Variants in RTN1 observed in about 807,000 individuals in gnomAD.
RTN1 encodes reticulon-1.
RTN1 carries 25 observed loss-of-function variants against 65.5 expected under a neutral mutation model. The ratio of observed to expected loss-of-function variants is 0.38; its 90% confidence interval spans 0.28 to 0.53. The LOEUF (loss-of-function observed/expected upper bound fraction) is 0.53, where lower values mean the gene tolerates loss of function less well. RTN1 is among the 20% of genes least tolerant of loss of function. RTN1 has a pLI of 0.79. For synonymous variants in RTN1, 471 were observed against 447.6 expected, an observed-to-expected ratio of 1.05 and a Z score of -0.66; for missense variants, 983 against 1,025.4, an observed-to-expected ratio of 0.96 and a Z score of 0.57.
Position 59,727,029 on chromosome 14 carries a change from C to T in RTN1, c.1655G>A (p.Arg552Gln), listed in dbSNP as rs1316938867. 1.9e-6 allele frequency: 3 copies of T among 1,613,508 alleles called. No homozygotes were observed. The highest frequency in any genetic ancestry group is 1.7e-6 in the Non-Finnish European group (2 of 1,179,766). Residue 552 changes from arginine (R) to glutamine (Q), a missense_variant, in exon 3 of 9, where the codon CGG becomes CAG. This residue lies in a region of RTN1 where 818 missense variants were observed against 801.8 expected (regional missense o/e 1.02). Coordinates refer to ENST00000267484, the MANE Select transcript of RTN1 (RefSeq NM_021136.3). The surrounding 1 kb of genome is among the most constrained non-coding windows in gnomAD (Gnocchi z 4.2). ...ALEPETPMLP[R>Q]KPEEDSSSNQ... is the part of the protein sequence containing the mutation. ...GGAACTCGAGTCTTCTTCAGGCTTC[C>T]GTGGCAACATGGGCGTCTCAGGCTC...
chr14:59,623,464 G>A (rs1188753036), intron 3 of RTN1, among the ~76,000 whole-genome samples: 2 of 152,192 alleles, frequency 1.3e-5, no homozygotes, highest in Non-Finnish European at 2.9e-5. Context: ...TCACTTGGAG[G>A]GATCTTCACA....
Position 59,825,154 on chromosome 14 carries a change from T to C in RTN1, c.241+45236A>G, listed in dbSNP as rs987188501. The stretch of plus-strand genomic sequence containing the variant: ...GCTGTCCTGTGCATTGTAGAATCTT[T>C]ACCAACATCCCTAGCCTCTACCGAC... On this transcript the variant is annotated intron_variant, in intron 1 of 8. Transcript: ENST00000267484. The surrounding 1 kb of genome is among the most constrained non-coding windows in gnomAD (Gnocchi z 4.2). Among the ~76,000 whole-genome samples, 1 of 152,236 alleles carries C rather than the reference T, an allele frequency of 6.6e-6. No individual in the cohort carries two copies. Among genetic ancestry groups the C allele is most frequent in the Non-Finnish European group, 1.5e-5 (1 of 68,040 alleles).
chr14:59,723,943 G>C (rs1041653856), intron 3 of RTN1, among the ~76,000 whole-genome samples: 1 of 152,206 alleles, frequency 6.6e-6, no homozygotes, highest in Non-Finnish European at 1.5e-5. Context: ...CAATCACATA[G>C]GTTTGGTAAA....
chr14:59,749,326 A>C lies in RTN1; in HGVS notation c.242-2845T>G, dbSNP rs1253836989. The stretch of plus-strand genomic sequence containing the variant: ...TATATATCTATATATATATCTATAT[A>C]TCTATATATATCTATATATATCTAT... On this transcript the variant is annotated intron_variant, in intron 1 of 8. Transcript: ENST00000267484. Among the ~76,000 whole-genome samples, 26 of 42,804 alleles carry C rather than the reference A, an allele frequency of 6.1e-4. 11 individuals carry two copies. The highest frequency in any genetic ancestry group is 5.1e-3 in the African/African-American group (25 of 4,886). 28.1% of individuals were successfully genotyped at this position (42,804 alleles called of 152,430 possible).
Position 59,829,529 on chromosome 14 carries a change from C to T in RTN1, c.241+40861G>A, listed in dbSNP as rs927998722. ...TTTTTCTCTATTATTTTTGCAACTT[C>T]CTGTAAATCTATACTTACTGCACAT... On this transcript the variant is annotated intron_variant, in intron 1 of 8. Coordinates refer to ENST00000267484, the MANE Select transcript of RTN1 (RefSeq NM_021136.3). This position sits in a 1 kb window ranked among gnomAD's most constrained non-coding sequence, Gnocchi z 4.3. 7.2e-5 allele frequency among the ~76,000 whole-genome samples: 11 copies of T among 152,194 alleles called. No individual in the cohort carries two copies. The highest frequency in any genetic ancestry group is 1.5e-5 in the Non-Finnish European group (1 of 68,036).
rs1282353013 is a variant in RTN1 at position 59,766,992 on chromosome 14, GATAA to G, written c.242-20515_242-20512del. 2.0e-5 allele frequency among the ~76,000 whole-genome samples: 3 copies of G among 152,180 alleles called. No individual in the cohort carries two copies. The highest frequency in any genetic ancestry group is 4.4e-5 in the Non-Finnish European group (3 of 68,028). ...TGGGGATTTAACAATGAATGAAACA[GATAA>G]ATAGTCTCTGGTCCCATGGAGGACA... On this transcript the variant is annotated intron_variant, in intron 1 of 8. Coordinates refer to ENST00000267484, the MANE Select transcript of RTN1 (RefSeq NM_021136.3). This position sits in a 1 kb window ranked among gnomAD's most constrained non-coding sequence, Gnocchi z 4.4.
At position 59,733,383 on chromosome 14, in the gene RTN1, G is replaced by A. The variant is rs145678735; in HGVS notation, c.1016-5715C>T. On this transcript the variant is annotated intron_variant, in intron 2 of 8. Transcript: ENST00000267484. ...GCTGGGATTACAGGCATGAGCCACC[G>A]TGCCCGGCCAGACTGCTTCTTTAAG... Among the ~76,000 whole-genome samples, 53 of 152,286 alleles carry A rather than the reference G, an allele frequency of 3.5e-4. No individual in the cohort carries two copies. In the East Asian group the frequency reaches 6.2e-3, roughly 18 times the overall value.
intron 3 of RTN1, among the ~76,000 whole-genome samples, chr14:59,669,799 T>A (rs1418246483): frequency 6.6e-6 from 1 of 152,072 alleles, no homozygotes. Context: ...ACACTGCCGA[T>A]GAGTGGATTT....
chr14:59,870,712 C>G lies in RTN1; in HGVS notation c.-82G>C, dbSNP rs967904573. On this transcript the variant is annotated 5_prime_UTR_variant, in exon 1 of 9. Transcript: ENST00000267484. The surrounding 1 kb of genome is among the most constrained non-coding windows in gnomAD (Gnocchi z 5.1). Reference sequence around the variant, plus strand: ...TGCGCGGGCGCTCCCTGCTGCTGTCCCCGGAGGGACTCGGCGCTCAGGGAA... The same window carrying G: ...TGCGCGGGCGCTCCCTGCTGCTGTCGCCGGAGGGACTCGGCGCTCAGGGAA... 1 of 1,263,958 alleles carries G rather than the reference C, an allele frequency of 7.9e-7. No homozygotes were observed. The highest frequency in any genetic ancestry group is 2.6e-5 in the South Asian group (1 of 37,754). 78.3% of individuals were successfully genotyped at this position (1,263,958 alleles called of 1,614,324 possible). A position where few individuals can be genotyped will look rare whatever the true frequency, so the allele number is the denominator to read the frequency against.
intron 3 of RTN1, among the ~76,000 whole-genome samples, chr14:59,723,191 G>A (rs966576280): frequency 6.6e-6 from 1 of 152,116 alleles, no homozygotes; most frequent in Admixed American, 6.5e-5. Context: ...GGACTGATCA[G>A]CAGTATGATA....
chr14:59,708,449 T>G (rs1884345987), intron 3 of RTN1, among the ~76,000 whole-genome samples: 2 of 152,208 alleles, frequency 1.3e-5, no homozygotes, highest in Admixed American at 6.5e-5. Context: ...ATTGCTTCAG[T>G]GTTAGACAGC....
Position 59,816,726 on chromosome 14 carries a change from G to A in RTN1, c.241+53664C>T, listed in dbSNP as rs1566736337. Among the ~76,000 whole-genome samples the A allele has an allele frequency of 6.6e-6, 1 of 152,088 alleles. No individual in the cohort carries two copies. On this transcript the variant is annotated intron_variant, in intron 1 of 8. Coordinates refer to ENST00000267484, the MANE Select transcript of RTN1 (RefSeq NM_021136.3). The surrounding 1 kb of genome is among the most constrained non-coding windows in gnomAD (Gnocchi z 4.3). ...AGGCTGGCGAATCACTTGAGTCCAC[G>A]AGTTCAAGGTCAGCCTGGGCAACAT... is the stretch of plus-strand genomic sequence containing the variant.
chr14:59,800,765 A>G (rs1886530581), intron 1 of RTN1, among the ~76,000 whole-genome samples: 1 of 152,218 alleles, frequency 6.6e-6, no homozygotes, highest in Non-Finnish European at 1.5e-5. Context: ...AATCAGTAGA[A>G]TCAAACTCAG....
At chr14:59,749,488 T>C (rs1237197270) in intron 1 of RTN1, among the ~76,000 whole-genome samples, 1 of 73,744 alleles carries the variant, frequency 1.4e-5, no homozygotes, top group Admixed American at 2.4e-4. Context: ...TATCTATATA[T>C]ATCTATATAT....
intron 3 of RTN1, among the ~76,000 whole-genome samples, chr14:59,701,337 T>G (rs1038179786): frequency 3.9e-5 from 6 of 152,334 alleles, no homozygotes; most frequent in African/African-American, 1.4e-4. Context: ...CCAAGATAAC[T>G]GAGAGCATGT....
intron 1 of RTN1, among the ~76,000 whole-genome samples, chr14:59,838,602 T>C (rs1439707944): frequency 6.6e-6 from 1 of 152,002 alleles, no homozygotes; most frequent in Non-Finnish European, 1.5e-5. Flanking sequence ...CTGAAAAAAA[T>C]TAAGCCACTA....
At chr14:59,598,067 TG>T (rs1881460305) in intron 8 of RTN1, among the ~76,000 whole-genome samples, 1 of 150,956 alleles carries the variant, frequency 6.6e-6, no homozygotes, top group South Asian at 2.1e-4. Flanking sequence ...ATCATGATGG[TG>T]GCTGTGTAAA....
At chr14:59,665,769 A>G in intron 3 of RTN1, among the ~76,000 whole-genome samples, 1 of 151,878 alleles carries the variant, frequency 6.6e-6, no homozygotes, top group Non-Finnish European at 1.5e-5. Context: ...AATGGAAAGC[A>G]AAAAAAAGCA....
chr14:59,651,781 G>T (rs1256147344), intron 3 of RTN1, among the ~76,000 whole-genome samples: 1 of 151,872 alleles, frequency 6.6e-6, no homozygotes, highest in Non-Finnish European at 1.5e-5. Context: ...CCCAACATAG[G>T]TATGGGCAAA....
Sources: gnomAD v4.1 joint callset for allele counts (sites outside exome capture counted in the v4.1 genomes callset) on GRCh38, gnomAD v4.1.1 for gene constraint, gnomAD v4.1.1 regional missense constraint, Gnocchi (gnomAD v3.1) non-coding constraint, MANE v1.5 for transcripts, NCBI Gene and HGNC (gene_info 2026-07-23, HGNC 2026-07-21) for gene names.